Variants in SPAG16 observed in about 807,000 individuals in gnomAD.
SPAG16 encodes sperm-associated antigen 16 protein.
SPAG16 carries 86 observed loss-of-function variants against 80.4 expected under a neutral mutation model. That is an observed-to-expected ratio of 1.07 (90% confidence interval 0.90 to 1.28). The LOEUF (loss-of-function observed/expected upper bound fraction) is 1.28, where lower values mean the gene tolerates loss of function less well. SPAG16 is among the 50% of genes most tolerant of loss of function. The pLI is 0.00. For synonymous variants in SPAG16, 294 were observed against 265.9 expected (o/e 1.11, Z -1.03); for missense variants, 870 against 765.3 (o/e 1.14, Z -1.61).
intron 9 of SPAG16, among the ~76,000 whole-genome samples, chr2:213,413,049 GTTAA>G (rs1475549503): frequency 6.6e-6 from 1 of 152,078 alleles, no homozygotes; most frequent in Non-Finnish European, 1.5e-5. Context: ...GGGTAATGCT[GTTAA>G]TTAGTATGTT....
chr2:213,429,292 C>T (rs140730584), intron 9 of SPAG16, among the ~76,000 whole-genome samples: 1 of 152,192 alleles, frequency 6.6e-6, no homozygotes, highest in Non-Finnish European at 1.5e-5. Flanking sequence ...GGTGCTTTTA[C>T]ACACCATTGC....
At chr2:213,912,881 A>AT (rs1316436903) in intron 11 of SPAG16, among the ~76,000 whole-genome samples, 1 of 151,784 alleles carries the variant, frequency 6.6e-6, no homozygotes, top group Non-Finnish European at 1.5e-5. Context: ...ATTTGAAGTC[A>AT]TTTGTTCACA....
intron 15 of SPAG16, among the ~76,000 whole-genome samples, chr2:214,262,813 TA>T (rs953154455): frequency 1.1e-4 from 17 of 152,108 alleles, no homozygotes; most frequent in Admixed American, 9.8e-4. Flanking sequence ...CTCTACTATA[TA>T]AATAACCTTT....
At chr2:213,515,090 G>A (rs1350285306) in intron 10 of SPAG16, among the ~76,000 whole-genome samples, 1 of 151,820 alleles carries the variant, frequency 6.6e-6, no homozygotes, top group Non-Finnish European at 1.5e-5. Flanking sequence ...CTTATTTTCT[G>A]CAAAATAGCT....
intron 10 of SPAG16, among the ~76,000 whole-genome samples, chr2:213,807,836 C>A (rs1305070728): frequency 6.6e-6 from 1 of 152,176 alleles, no homozygotes; most frequent in East Asian, 1.9e-4. Context: ...TCATAAAGTT[C>A]TTTGCAGTGA....
intron 10 of SPAG16, among the ~76,000 whole-genome samples, chr2:213,859,148 C>T (rs72941142): frequency 0.37 from 45,704 of 125,202 alleles, 8,305 homozygotes; most frequent in South Asian, 0.48. Context: ...CACTGCTCTC[C>T]AGTCTGGGCA....
intron 13 of SPAG16, among the ~76,000 whole-genome samples, chr2:214,037,900 T>TGTGA (rs1559720527): frequency 5.3e-5 from 8 of 151,144 alleles, no homozygotes; most frequent in African/African-American, 1.7e-4. Flanking sequence ...TGTGTGTGTG[T>TGTGA]GTGTGTGTGT....
At chr2:213,765,524 G>T (rs543094976) in intron 10 of SPAG16, among the ~76,000 whole-genome samples, 2 of 152,118 alleles carry the variant, frequency 1.3e-5, no homozygotes, top group Non-Finnish European at 2.9e-5. Flanking sequence ...TATATTCCCA[G>T]TTAGGGAATC....
chr2:213,484,749 A>G (rs1481745039), intron 9 of SPAG16, among the ~76,000 whole-genome samples: 1 of 152,212 alleles, frequency 6.6e-6, no homozygotes, highest in Admixed American at 6.5e-5. Flanking sequence ...AGGTACTGCA[A>G]GAGATAAGCT....
At chr2:213,505,904 C>A (rs2074949010) in intron 10 of SPAG16, among the ~76,000 whole-genome samples, 1 of 151,532 alleles carries the variant, frequency 6.6e-6, no homozygotes, top group Non-Finnish European at 1.5e-5. Context: ...GTTTATATAT[C>A]TGATTAATAT....
rs377601664 is a variant in SPAG16, at chr2:214,173,560, C to A, written c.1720+24294C>A. Among the ~76,000 whole-genome samples, 31 of 151,946 alleles carry A rather than the reference C, an allele frequency of 2.0e-4. No homozygotes were observed. The East Asian group carries it at 6.0e-3, about 29-fold the overall frequency. On this transcript the variant is annotated intron_variant, in intron 15 of 15. Coordinates refer to ENST00000331683, the MANE Select transcript of SPAG16 (RefSeq NM_024532.5). ...AATCTCTGAATAGACCAATAACAGG[C>A]TCTGAAATTGTGGCAATAATCAATA...
intron 14 of SPAG16, among the ~76,000 whole-genome samples, chr2:214,114,419 C>T (rs2053828857): frequency 6.6e-6 from 1 of 152,228 alleles, no homozygotes; most frequent in South Asian, 2.1e-4. Context: ...TTTTGTTCAG[C>T]TATGCCTTGC....
chr2:213,391,499 T>C (rs910629088), intron 9 of SPAG16, among the ~76,000 whole-genome samples: 4 of 152,172 alleles, frequency 2.6e-5, no homozygotes, highest in Admixed American at 6.5e-5. Context: ...TGTACAAACA[T>C]GGGCACATTA....
chr2:213,419,169 T>A (rs1256813041), intron 9 of SPAG16, among the ~76,000 whole-genome samples: 3 of 152,238 alleles, frequency 2.0e-5, no homozygotes, highest in African/African-American at 7.2e-5. Context: ...CTAGTGCTAT[T>A]TTCTGTGTGG....
At chr2:213,305,432 T>C (rs1002885962) in intron 3 of SPAG16, among the ~76,000 whole-genome samples, 2 of 152,118 alleles carry the variant, frequency 1.3e-5, no homozygotes, top group African/African-American at 2.4e-5. Context: ...TTGTTATGTT[T>C]CAGATCTTGG....
At chr2:214,108,457 AC>A (rs2053495941) in intron 14 of SPAG16, among the ~76,000 whole-genome samples, 196 bp downstream of exon 14, 1 of 97,298 alleles carries the variant, frequency 1.0e-5, no homozygotes, top group African/African-American at 4.2e-5. Flanking sequence ...ACACACACAC[AC>A]ACACACACAC....
chr2:213,747,128 G>T (rs191675417), intron 10 of SPAG16, among the ~76,000 whole-genome samples: 2 of 152,236 alleles, frequency 1.3e-5, no homozygotes, highest in Admixed American at 1.3e-4. Context: ...GTAGGCCTAG[G>T]CTAAGTATGT....
intron 10 of SPAG16, among the ~76,000 whole-genome samples, chr2:213,856,870 G>A (rs2075195114): frequency 6.6e-6 from 1 of 152,210 alleles, no homozygotes; most frequent in African/African-American, 2.4e-5. Context: ...AACAAGTGCT[G>A]AAGTAGAAGC....
intron 3 of SPAG16, among the ~76,000 whole-genome samples, chr2:213,299,683 G>A (rs75131283): frequency 0.06 from 9,113 of 151,886 alleles, 906 homozygotes; most frequent in African/African-American, 0.21. Context: ...GATACTATCC[G>A]TTTTCTTAGT....
Sources: gnomAD v4.1 joint callset for allele counts (sites outside exome capture counted in the v4.1 genomes callset) on GRCh38, gnomAD v4.1.1 for gene constraint, MANE v1.5 for transcripts, NCBI Gene and HGNC (gene_info 2026-07-23, HGNC 2026-07-21) for gene names.